Variants in OGG1 observed in about 807,000 individuals in gnomAD.
OGG1 encodes 8-oxoguanine DNA glycosylase.
OGG1 carries 35 observed loss-of-function variants against 42.3 expected under a neutral mutation model. The observed-to-expected ratio is 0.83, with a 90% CI of 0.63 to 1.10. The LOEUF is 1.10. OGG1 is among the 50% of genes least tolerant of loss of function. The pLI, the probability that OGG1 is intolerant of heterozygous loss-of-function variation, is 0.00. For missense variants in OGG1, 484 were observed against 446.7 expected (o/e 1.08, Z -0.75); for synonymous variants, 189 against 179.0 (o/e 1.06, Z -0.44).
intron 2 of OGG1, chr3:9,780,552 G>C: frequency 3.8e-6 from 6 of 1,599,750 alleles, no homozygotes; most frequent in Non-Finnish European, 5.1e-6. Flanking sequence ...TTGCCAGCCT[G>C]TGGGGACCAG....
chr3:9,765,910 A>G, exon 8 of OGG1: 1 of 1,613,158 alleles, frequency 6.2e-7, no homozygotes, highest in Non-Finnish European at 8.5e-7. Context: ...GAGGGGATTC[A>G]CAAGGTGAAG....
chr3:9,762,236 T>TG (rs1287090266), downstream of OGG1: 9 of 156,216 alleles, frequency 5.8e-5, no homozygotes, highest in African/African-American at 2.2e-4. Flanking sequence ...GATTGAGATG[T>TG]ACTGCTAAAT....
chr3:9,784,253 T>C lies in OGG1; in HGVS notation c.382+2653T>C, dbSNP rs775419646. The C allele has an allele frequency of 4.4e-6, 7 of 1,582,050 alleles. No individual in the cohort carries two copies. The South Asian group carries it at 4.5e-5, about 10-fold the overall frequency. On this transcript the variant is annotated intron_variant, in intron 3 of 3. Coordinates refer to the OGG1 transcript ENST00000426518. Reference sequence around the variant, plus strand: ...AGGCCCGTCAGACTCAAGAGCCAGCTTGGAGAAGGGCCCACCTTGGAGGTT... The same window carrying C: ...AGGCCCGTCAGACTCAAGAGCCAGCCTGGAGAAGGGCCCACCTTGGAGGTT...
rs1575288019 is a variant in OGG1, at chr3:9,779,573, T to C, written c.295-1940T>C. ...CTAATGTAAATGACGAGTTAATGGG[T>C]GCAGCACACCAACATGGCACATGTA... On this transcript the variant is annotated intron_variant, in intron 2 of 3. Transcript: ENST00000426518. Among the ~76,000 whole-genome samples the C allele has an allele frequency of 3.9e-5, 6 of 151,914 alleles. No individual in the cohort carries two copies. In the East Asian group the frequency reaches 1.2e-3, roughly 29 times the overall value.
At chr3:9,781,116 C>T (rs2078450569) in intron 2 of OGG1, among the ~76,000 whole-genome samples, 2 of 151,358 alleles carry the variant, frequency 1.3e-5, no homozygotes, top group Non-Finnish European at 2.9e-5. Flanking sequence ...GGCAACAGAG[C>T]GTGACTGTGT....
exon 8 of OGG1, chr3:9,766,731 CAAAG>C: frequency 9.2e-6 from 6 of 655,160 alleles, no homozygotes; most frequent in Non-Finnish European, 1.2e-5. Context: ...AGTCATAAGT[CAAAG>C]AAAAGCATCT....
At chr3:9,787,005 C>T in intron 3 of OGG1, 1 of 1,613,930 alleles carries the variant, frequency 6.2e-7, no homozygotes, top group Non-Finnish European at 8.5e-7. Flanking sequence ...AGGCTGCTCA[C>T]CTCCACCAGG....
In OGG1 at chr3:9,757,119, G is replaced by A. The variant is rs193147996; in HGVS notation, c.1007G>A (p.Arg336His). Residue 336 changes from arginine to histidine, a missense_variant, in exon 7 of 7, where the codon CGC becomes CAC. Physicochemically the swap from Arg to His is conservative, Grantham distance 29. Coordinates refer to ENST00000344629, the MANE Select transcript of OGG1 (RefSeq NM_002542.6). The surrounding 1 kb of genome is among the most constrained non-coding windows in gnomAD (Gnocchi z 4.5). ...CATGCTCAGGAGCCACCAGCAAAGC[G>A]CAGAAAGGGTTCCAAAGGGCCGGAA... ...SRHAQEPPAK[R>H]RKGSKGPEG The A allele has an allele frequency of 1.5e-5, 25 of 1,614,100 alleles. No individual in the cohort carries two copies. Among genetic ancestry groups the A allele is most frequent in the Admixed American group, 1.5e-4 (9 of 60,010 alleles).
rs371188578 is a variant in OGG1 at position 9,784,120 on chromosome 3, G to C, written c.382+2520G>C. 21 of 1,614,056 alleles carry C rather than the reference G, an allele frequency of 1.3e-5. No individual in the cohort carries two copies. In the East Asian group the frequency reaches 4.7e-4, roughly 36 times the overall value. ...GAAGCTCAGCAAGGACCTCATCCTC[G>C]GAGTCCTCTGCGGGGCGGTCCTCAG... On this transcript the variant is annotated intron_variant, in intron 3 of 3. Transcript: ENST00000426518.
chr3:9,765,865 C>T (rs1280457657), exon 8 of OGG1: 3 of 1,613,832 alleles, frequency 1.9e-6, no homozygotes, highest in African/African-American at 2.7e-5. Context: ...TTATCTTCTG[C>T]CAGGATCACC....
chr3:9,766,581 C>G lies in OGG1; in HGVS notation c.*750C>G. The G allele has an allele frequency of 3.4e-6, 3 of 894,696 alleles. No homozygotes were observed. The South Asian group carries it at 6.4e-5, about 19-fold the overall frequency. The allele number at this position is 894,696 out of a possible 1,614,324, so 55.4% of individuals were successfully genotyped here. A position where few individuals can be genotyped will look rare whatever the true frequency, so the allele number is the denominator to read the frequency against. On this transcript the variant is annotated 3_prime_UTR_variant, in exon 8 of 8. Coordinates refer to the OGG1 transcript ENST00000302008. ...AAAATCCTCAGGTGATTTGTATGCT[C>G]ATTGAACTTTAAGAAGCAGTGTTTT...
rs530067635 is a variant in OGG1 at position 9,787,226 on chromosome 3, C to A, written c.383-502C>A. ...TTAGTGTCCAGTTCGGTCAGTGGCC[C>A]CATGAGGCCTTTCTTCTTGTCAGCC... is the stretch of plus-strand genomic sequence containing the variant. On this transcript the variant is annotated intron_variant, in intron 3 of 3. Coordinates refer to the OGG1 transcript ENST00000426518. 56 of 1,614,074 alleles carry A rather than the reference C, an allele frequency of 3.5e-5. No individual in the cohort carries two copies. The highest frequency in any genetic ancestry group is 4.5e-5 in the Non-Finnish European group (53 of 1,180,040).
chr3:9,781,477 G>A (rs1480728266), intron 2 of OGG1: 1 of 454,474 alleles, frequency 2.2e-6, no homozygotes, highest in East Asian at 7.0e-5. Flanking sequence ...GAGCAGGCTG[G>A]GGCCAAACTC....
chr3:9,789,103 T>G (rs2078681704), downstream of OGG1, among the ~76,000 whole-genome samples: 1 of 152,192 alleles, frequency 6.6e-6, no homozygotes, highest in South Asian at 2.1e-4. Flanking sequence ...CCCAAAGTGC[T>G]AGGATTGCAG....
rs775895926 is a variant in OGG1 at position 9,754,823 on chromosome 3, C to G, written c.685C>G (p.Arg229Gly). ...QGGLAWLQQL[R>G]ESSYEEAHKA... ...CGGGCTAGCCTGGCTGCAGCAGCTA[C>G]GAGAGTCCTCATATGAGGAGGCCCA... is the stretch of plus-strand genomic sequence containing the variant. Residue 229 changes from arginine to glycine, a missense_variant, in exon 4 of 7, where the codon CGA (arginine) becomes GGA (glycine). Coordinates refer to ENST00000344629, the MANE Select transcript of OGG1 (RefSeq NM_002542.6). The G allele has an allele frequency of 2.5e-6, 4 of 1,611,790 alleles. No individual in the cohort carries two copies. The highest frequency in any genetic ancestry group is 2.5e-6 in the Non-Finnish European group (3 of 1,179,086).
At chr3:9,774,868 C>T (rs556564431) in intron 2 of OGG1, among the ~76,000 whole-genome samples, 2 of 152,234 alleles carry the variant, frequency 1.3e-5, no homozygotes, top group South Asian at 4.1e-4. Flanking sequence ...ATGTCGAGGC[C>T]TTTTGATTCA....
chr3:9,784,208 G>A (rs1270312163), intron 3 of OGG1: 3 of 1,609,256 alleles, frequency 1.9e-6, no homozygotes, highest in South Asian at 1.1e-5. Context: ...CTTAGTATGC[G>A]GCACACTGCA....
chr3:9,762,977 G>A, intron 7 of OGG1: 1 of 1,614,208 alleles, frequency 6.2e-7, no homozygotes, highest in Non-Finnish European at 8.5e-7. Context: ...GCACCTGGAA[G>A]ATGAGGCGGC....
intron 7 of OGG1, among the ~76,000 whole-genome samples, chr3:9,764,355 C>T (rs1351746618): frequency 6.6e-6 from 1 of 152,114 alleles, no homozygotes; most frequent in Non-Finnish European, 1.5e-5. Context: ...GAGTGTTGCC[C>T]AGGCTGGAGT....
Sources: allele counts gnomAD v4.1 joint callset (sites outside exome capture counted in the v4.1 genomes callset), GRCh38; gene constraint gnomAD v4.1.1; non-coding constraint Gnocchi (gnomAD v3.1); transcripts MANE v1.5; gene names NCBI Gene and HGNC (gene_info 2026-07-23, HGNC 2026-07-21).